The following AMBRA1 variants were observed in gnomAD, a reference collection of about 807,000 sequenced individuals.
AMBRA1 encodes autophagy and beclin 1 regulator 1, also known as activating molecule in BECN1-regulated autophagy protein 1.
Under a neutral mutation model 125.4 loss-of-function variants are expected in AMBRA1, and 47 were observed. That is an observed-to-expected ratio of 0.37 (90% CI 0.30 to 0.48). The LOEUF is 0.48. AMBRA1 is among the 20% of genes least tolerant of loss of function. The pLI is 0.99. For missense variants in AMBRA1, 1,331 were observed against 1,693.4 expected, an observed-to-expected ratio of 0.79 and a Z score of 3.76; for synonymous variants, 626 against 655.5, an observed-to-expected ratio of 0.95 and a Z score of 0.69.
chr11:46,499,905 G>A (rs898283813), intron 9 of AMBRA1, among the ~76,000 whole-genome samples: 4 of 151,936 alleles, frequency 2.6e-5, no homozygotes, highest in African/African-American at 7.3e-5. Context: ...CATCTGCCTC[G>A]GCCTCCAAAG....
At chr11:46,473,411 G>A (rs1949683015) in intron 11 of AMBRA1, among the ~76,000 whole-genome samples, 1 of 152,332 alleles carries the variant, frequency 6.6e-6, no homozygotes, top group South Asian at 2.1e-4. Flanking sequence ...AGTAGAGAGG[G>A]TGATAACTTG....
intron 1 of AMBRA1, among the ~76,000 whole-genome samples, chr11:46,561,409 A>G (rs959950615): frequency 2.2e-4 from 33 of 149,900 alleles, no homozygotes; most frequent in African/African-American, 6.8e-4. Context: ...TATTGTCAGA[A>G]AAAAAAAAAA....
intron 11 of AMBRA1, among the ~76,000 whole-genome samples, chr11:46,463,865 C>T (rs1301747537): frequency 6.6e-6 from 1 of 152,212 alleles, no homozygotes; most frequent in Non-Finnish European, 1.5e-5. Context: ...AAAATTCCTG[C>T]TCTGGCCTGT....
chr11:46,542,215 T>C lies in AMBRA1; in HGVS notation c.1802A>G (p.Gln601Arg). Reference sequence around the variant, plus strand: ...CACACTCTCAAAGGAGCTGGGGACCTGCCAAGAGGAACTAGCCTCGCCAGA... The same window carrying C: ...CACACTCTCAAAGGAGCTGGGGACCCGCCAAGAGGAACTAGCCTCGCCAGA... Reference protein sequence around the residue: ...YSSGEASSSWQVPSSFESVPS... With the variant: ...YSSGEASSSWRVPSSFESVPS... The change falls in exon 7 of 18, where the codon CAG (glutamine) becomes CGG (arginine). Residue 601 changes from glutamine (Q) to arginine (R), a missense_variant. By Grantham distance (43) the Gln-to-Arg change is conservative. This residue lies in a region of AMBRA1 where 689 missense variants were observed against 776.5 expected (regional missense o/e 0.89). Transcript: ENST00000683756. This position sits in a 1 kb window ranked among gnomAD's most constrained non-coding sequence, Gnocchi z 5.9. The C allele has an allele frequency of 1.2e-6, 2 of 1,614,070 alleles. No homozygotes were observed. Among genetic ancestry groups the C allele is most frequent in the South Asian group, 2.2e-5 (2 of 91,082 alleles).
intron 7 of AMBRA1, among the ~76,000 whole-genome samples, chr11:46,520,251 T>C (rs1456667853): frequency 3.3e-5 from 5 of 152,228 alleles, no homozygotes; most frequent in African/African-American, 9.6e-5. Flanking sequence ...AAAATTTTAA[T>C]ACACAAGCAC....
At chr11:46,592,143 C>G (rs1351628675) in intron 1 of AMBRA1, among the ~76,000 whole-genome samples, 1 of 151,808 alleles carries the variant, frequency 6.6e-6, no homozygotes, top group African/African-American at 2.4e-5. Context: ...CCACGTTAGT[C>G]AGGCTGGTCT....
intron 9 of AMBRA1, among the ~76,000 whole-genome samples, chr11:46,506,422 T>A (rs1402216426): frequency 6.6e-6 from 1 of 152,252 alleles, no homozygotes; most frequent in East Asian, 1.9e-4. Context: ...AATGACAGCA[T>A]CAGGAAGGCA....
chr11:46,540,077 C>G (rs946841685), intron 7 of AMBRA1, among the ~76,000 whole-genome samples: 1 of 152,158 alleles, frequency 6.6e-6, no homozygotes, highest in Admixed American at 6.5e-5. Context: ...AGTGGTCTGC[C>G]CGACTCAGCC....
intron 7 of AMBRA1, among the ~76,000 whole-genome samples, chr11:46,541,695 C>G (rs1203512370): frequency 2.0e-5 from 3 of 152,228 alleles, no homozygotes; most frequent in Non-Finnish European, 2.9e-5. Context: ...CTACACTCTC[C>G]TTTCAAGGCT....
chr11:46,529,738 T>C (rs1336030955), intron 7 of AMBRA1, among the ~76,000 whole-genome samples: 1 of 152,072 alleles, frequency 6.6e-6, no homozygotes, highest in East Asian at 1.9e-4. Context: ...ATACCCGAAT[T>C]GATATGGAAA....
chr11:46,453,723 T>C (rs1042392375), intron 11 of AMBRA1, among the ~76,000 whole-genome samples: 2 of 152,048 alleles, frequency 1.3e-5, no homozygotes, highest in Admixed American at 6.6e-5. Flanking sequence ...ACCACAAAAA[T>C]AAAATCCCAA....
intron 8 of AMBRA1, among the ~76,000 whole-genome samples, chr11:46,510,140 C>T (rs1951202150): frequency 6.6e-6 from 1 of 152,206 alleles, no homozygotes; most frequent in Admixed American, 6.5e-5. Context: ...GAATAATACA[C>T]TGCAGTGAAC....
intron 11 of AMBRA1, among the ~76,000 whole-genome samples, chr11:46,455,640 G>C (rs1174355907): frequency 6.6e-6 from 1 of 152,208 alleles, no homozygotes; most frequent in Non-Finnish European, 1.5e-5. Flanking sequence ...AGAGGATAGG[G>C]CTCATGCCAT....
At chr11:46,398,663 A>G (rs1262531676) in intron 17 of AMBRA1, among the ~76,000 whole-genome samples, 1 of 152,058 alleles carries the variant, frequency 6.6e-6, no homozygotes, top group Non-Finnish European at 1.5e-5. Context: ...TTTTTAGTAG[A>G]GACAGGGTTT....
chr11:46,398,730 C>T (rs1347521644), intron 17 of AMBRA1, among the ~76,000 whole-genome samples: 1 of 152,128 alleles, frequency 6.6e-6, no homozygotes, highest in Non-Finnish European at 1.5e-5. Context: ...CCCACCTCAG[C>T]CTCCCAAAGT....
At chr11:46,592,629 G>A (rs2044644298) in intron 1 of AMBRA1, among the ~76,000 whole-genome samples, 1 of 152,032 alleles carries the variant, frequency 6.6e-6, no homozygotes, top group Non-Finnish European at 1.5e-5. Flanking sequence ...GTGGTGGCGC[G>A]CGCCGGTACT....
Position 46,499,496 on chromosome 11 carries a change from A to G in AMBRA1, c.2340-5292T>C, listed in dbSNP as rs374522097. 4.6e-5 allele frequency among the ~76,000 whole-genome samples: 7 copies of G among 152,334 alleles called. No individual in the cohort carries two copies. The South Asian group carries it at 8.3e-4, about 18-fold the overall frequency. On this transcript the variant is annotated intron_variant, in intron 9 of 17. Transcript: ENST00000683756. ...ATTACACGTTTTTAAGCAATAAATCAAAGTCCTCAGTAAGAGCTAGAATTC... is the reference window on the plus strand; with the variant it reads ...ATTACACGTTTTTAAGCAATAAATCGAAGTCCTCAGTAAGAGCTAGAATTC...
chr11:46,436,581 T>C (rs1328294146), intron 12 of AMBRA1, among the ~76,000 whole-genome samples: 1 of 152,032 alleles, frequency 6.6e-6, no homozygotes, highest in Admixed American at 6.5e-5. Context: ...GCTAGATTTA[T>C]CTAATTAGCA....
chr11:46,583,916 C>T (rs2135322954), intron 1 of AMBRA1, among the ~76,000 whole-genome samples: 2 of 142,326 alleles, frequency 1.4e-5, no homozygotes, highest in African/African-American at 5.2e-5. Flanking sequence ...CACTTTTACA[C>T]TGTTGGTGGG....
Sources: gnomAD v4.1 joint callset for allele counts (sites outside exome capture counted in the v4.1 genomes callset) on GRCh38, gnomAD v4.1.1 for gene constraint, gnomAD v4.1.1 regional missense constraint, Gnocchi (gnomAD v3.1) non-coding constraint, MANE v1.5 for transcripts, NCBI Gene and HGNC (gene_info 2026-07-23, HGNC 2026-07-21) for gene names.